DOCK8: variants seen among roughly 807,000 people sequenced by gnomAD.
DOCK8 encodes dedicator of cytokinesis protein 8.
Under a neutral mutation model 245.6 loss-of-function variants are expected in DOCK8, and 141 were observed. The ratio of observed to expected loss-of-function variants is 0.57; its 90% confidence interval spans 0.50 to 0.66. DOCK8 has a LOEUF of 0.66. Among genes scored for constraint, DOCK8 ranks in the 30% least tolerant of loss-of-function variants. DOCK8 has a pLI of 0.00. For missense variants in DOCK8, 2,965 were observed against 2,603.4 expected (o/e 1.14, Z -3.02); for synonymous variants, 1,168 against 970.2 (o/e 1.20, Z -3.79).
At chr9:381,828 C>T (rs534256917) in intron 21 of DOCK8, among the ~76,000 whole-genome samples, 5 of 152,032 alleles carry the variant, frequency 3.3e-5, no homozygotes, top group South Asian at 2.1e-4. Context: ...GTCGTGGTGG[C>T]GGGTGCCTGT....
At chr9:323,727 A>G (rs567724589) in intron 7 of DOCK8, among the ~76,000 whole-genome samples, 7 of 151,642 alleles carry the variant, frequency 4.6e-5, no homozygotes, top group Admixed American at 4.6e-4. Flanking sequence ...GAATTTTACT[A>G]CTCTAGGTGC....
intron 1 of DOCK8, among the ~76,000 whole-genome samples, chr9:236,522 T>C (rs890199124): frequency 6.6e-6 from 1 of 152,168 alleles, no homozygotes; most frequent in Admixed American, 6.5e-5. Flanking sequence ...GGATGTAGAT[T>C]AGTAACAGAA....
rs181553288 is a variant in DOCK8, at chr9:289,719, C to T, written c.404+138C>T. On this transcript the variant is annotated intron_variant, in intron 4 of 47. Coordinates refer to ENST00000432829, the MANE Select transcript of DOCK8 (RefSeq NM_203447.4). ...AAATAGAGTTCTCATGTATGCCTTC[C>T]TTATCCCCACTCCATATCACACACA... is the stretch of plus-strand genomic sequence containing the variant. The T allele has an allele frequency of 1.5e-5, 10 of 670,046 alleles. No individual in the cohort carries two copies. In the Admixed American group the frequency reaches 1.7e-4, roughly 12 times the overall value. The allele number at this position is 670,046 out of a possible 1,614,324, so 41.5% of individuals were successfully genotyped here. A position where few individuals can be genotyped will look rare whatever the true frequency, so the allele number is the denominator to read the frequency against.
At chr9:344,934 C>G (rs1212905265) in intron 14 of DOCK8, among the ~76,000 whole-genome samples, 1 of 152,098 alleles carries the variant, frequency 6.6e-6, no homozygotes, top group Non-Finnish European at 1.5e-5. Context: ...TGCCTGTAAT[C>G]CCAGCTACTC....
At chr9:246,678 A>G (rs573802317) in intron 1 of DOCK8, among the ~76,000 whole-genome samples, 2 of 152,340 alleles carry the variant, frequency 1.3e-5, no homozygotes, top group Admixed American at 1.3e-4. Flanking sequence ...ATTGTATAAA[A>G]TGATGATATT....
At chr9:464,025 T>C in intron 47 of DOCK8, 134 bp from the exon 48 acceptor site, 1 of 828,740 alleles carries the variant, frequency 1.2e-6, no homozygotes, top group Non-Finnish European at 2.1e-6. Flanking sequence ...CACTTATTAT[T>C]TGCTGAGTTG....
At chr9:282,639 G>T (rs1013867680) in intron 2 of DOCK8, among the ~76,000 whole-genome samples, 1 of 151,666 alleles carries the variant, frequency 6.6e-6, no homozygotes, top group African/African-American at 2.4e-5. Context: ...GCCCAGGCTG[G>T]TCTCATACTC....
In DOCK8 at chr9:377,085, G is replaced by C; in HGVS notation, c.2314G>C (p.Glu772Gln). Reference protein sequence around the residue: ...QKISEMALEHELKLSIICLNS... With the variant: ...QKISEMALEHQLKLSIICLNS... ...AATCAGCGAGATGGCGCTGGAGCAT[G>C]AGCTGAAGCTCAGCATCATCTGCCT... The change falls in exon 20 of 48, where the codon GAG (glutamate) becomes CAG (glutamine). Residue 772 changes from glutamate to glutamine, a missense_variant. Physicochemically the swap from Glu to Gln is conservative, Grantham distance 29. This residue lies in a region of DOCK8 where 2,825 missense variants were observed against 2,453.5 expected (regional missense o/e 1.15). Coordinates refer to ENST00000432829, the MANE Select transcript of DOCK8 (RefSeq NM_203447.4). The C allele has an allele frequency of 1.2e-6, 2 of 1,612,898 alleles. No homozygotes were observed. Among genetic ancestry groups the C allele is most frequent in the Non-Finnish European group, 1.7e-6 (2 of 1,179,956 alleles).
upstream of DOCK8, among the ~76,000 whole-genome samples, chr9:212,457 T>C (rs1159798649): frequency 6.6e-6 from 1 of 152,166 alleles, no homozygotes; most frequent in Non-Finnish European, 1.5e-5. Context: ...CAGAGTTCTC[T>C]CTGGACAGAG....
intron 1 of DOCK8, among the ~76,000 whole-genome samples, chr9:265,324 A>T (rs897043228): frequency 6.6e-6 from 1 of 152,220 alleles, no homozygotes; most frequent in African/African-American, 2.4e-5. Flanking sequence ...TTCACTGCTT[A>T]TTTGATGTAA....
intron 4 of DOCK8, among the ~76,000 whole-genome samples, chr9:297,150 G>A (rs1486862480): frequency 6.6e-6 from 1 of 152,120 alleles, no homozygotes; most frequent in African/African-American, 2.4e-5. Flanking sequence ...GAGAGGGTAG[G>A]GAAGAGGAAA....
intron 8 of DOCK8, among the ~76,000 whole-genome samples, chr9:326,051 G>A (rs2050752952): frequency 6.6e-6 from 1 of 152,142 alleles, no homozygotes. Flanking sequence ...GCTTGGATGC[G>A]CATGTAAAGC....
Position 386,425 on chromosome 9 carries a change from A to G in DOCK8, c.2873A>G (p.Lys958Arg), listed in dbSNP as rs765446351. The G allele has an allele frequency of 1.2e-6, 2 of 1,612,946 alleles. No homozygotes were observed. The highest frequency in any genetic ancestry group is 1.7e-6 in the Non-Finnish European group (2 of 1,179,190). Residue 958 changes from lysine (K) to arginine (R), a missense_variant and splice_region_variant, in exon 23 of 48, where the codon AAG (lysine) becomes AGG (arginine). Transcript: ENST00000432829. ...SPAAPRPASK[K>R]HFHEELALQM... is the part of the protein sequence containing the mutation. The stretch of plus-strand genomic sequence containing the variant: ...GCAGCCCCAAGGCCAGCCAGCAAAA[A>G]GGTACTGAAGAGAGCAATGTGAGGT...
intron 1 of DOCK8, chr9:220,645 C>A: frequency 3.1e-6 from 1 of 325,394 alleles, no homozygotes; most frequent in Non-Finnish European, 5.9e-6. Flanking sequence ...TAACGTTTGG[C>A]CTATTTGATA....
chr9:436,312 A>G (rs1038110143), intron 39 of DOCK8, among the ~76,000 whole-genome samples: 2 of 152,268 alleles, frequency 1.3e-5, no homozygotes, highest in Non-Finnish European at 2.9e-5. Context: ...AAGCATAAAA[A>G]TAACACCTGA....
rs887045836 is a variant in DOCK8 at position 273,155 on chromosome 9, C to A, written c.156+1426C>A. The A allele has an allele frequency of 3.1e-6, 3 of 960,638 alleles. No individual in the cohort carries two copies. The South Asian group carries it at 1.5e-4, about 48-fold the overall frequency. 59.5% of individuals were successfully genotyped at this position (960,638 alleles called of 1,614,324 possible). On this transcript the variant is annotated intron_variant, in intron 2 of 47. Coordinates refer to ENST00000432829, the MANE Select transcript of DOCK8 (RefSeq NM_203447.4). Reference sequence around the variant, plus strand: ...TTTCAGAAGGATAATTTGTGTGTTGCGTCATTAATGAAATAGTAGTACGAA... The same window carrying A: ...TTTCAGAAGGATAATTTGTGTGTTGAGTCATTAATGAAATAGTAGTACGAA...
intron 30 of DOCK8, 53 bp downstream of exon 30, chr9:418,260 T>C: frequency 6.2e-7 from 1 of 1,610,176 alleles, no homozygotes; most frequent in African/African-American, 1.3e-5. Context: ...TCTTCTGTCT[T>C]CTGTTTTGTT....
intron 1 of DOCK8, among the ~76,000 whole-genome samples, chr9:226,817 CAG>C (rs989185576): frequency 1.3e-5 from 2 of 152,060 alleles, no homozygotes; most frequent in African/African-American, 2.4e-5. Flanking sequence ...ATCTGAAACT[CAG>C]GGGAGAAGTC....
intron 14 of DOCK8, among the ~76,000 whole-genome samples, chr9:351,671 TGA>T (rs1268227669): frequency 6.6e-6 from 1 of 152,208 alleles, no homozygotes; most frequent in African/African-American, 2.4e-5. Context: ...TGAATGGGAC[TGA>T]GAAAGTGGAA....
Sources: gnomAD v4.1 joint callset for allele counts (sites outside exome capture counted in the v4.1 genomes callset) on GRCh38, gnomAD v4.1.1 for gene constraint, gnomAD v4.1.1 regional missense constraint, MANE v1.5 for transcripts, NCBI Gene and HGNC (gene_info 2026-07-23, HGNC 2026-07-21) for gene names.